WWOX: variants seen among roughly 807,000 people sequenced by gnomAD.
WWOX encodes WW domain containing oxidoreductase, also known as WW domain-containing oxidoreductase.
WWOX carries 69 observed loss-of-function variants against 46.2 expected under a neutral mutation model. The ratio of observed to expected loss-of-function variants is 1.49; its 90% confidence interval spans 1.23 to 1.82. WWOX has a LOEUF of 1.82. Among genes scored for constraint, WWOX ranks in the 40% most tolerant of loss-of-function variants. The probability of loss-of-function intolerance (pLI) is 0.00; values close to 1 mark genes in which losing one functional copy is unlikely to be tolerated. For missense variants in WWOX, 919 were observed against 542.6 expected (o/e 1.69, Z -6.89); for synonymous variants, 359 against 202.6 (o/e 1.77, Z -6.56).
At chr16:78,585,410 T>G (rs2045172229) in intron 8 of WWOX, among the ~76,000 whole-genome samples, 1 of 152,100 alleles carries the variant, frequency 6.6e-6, no homozygotes, top group Admixed American at 6.6e-5. Flanking sequence ...ACTTGTGGGG[T>G]TGACTCTTAC....
At chr16:79,034,701 A>G (rs547679505) in intron 8 of WWOX, among the ~76,000 whole-genome samples, 12 of 151,876 alleles carry the variant, frequency 7.9e-5, no homozygotes, top group African/African-American at 2.4e-4. Context: ...AAAGCACTTA[A>G]TTATTTAAAA....
intron 8 of WWOX, among the ~76,000 whole-genome samples, chr16:78,732,141 G>A (rs148663482): frequency 6.6e-6 from 1 of 152,092 alleles, no homozygotes; most frequent in Non-Finnish European, 1.5e-5. Context: ...TGGGATTACA[G>A]GTGTGAGCCC....
chr16:78,623,436 T>G (rs780732427), intron 8 of WWOX, among the ~76,000 whole-genome samples: 5 of 152,036 alleles, frequency 3.3e-5, no homozygotes, highest in Non-Finnish European at 5.9e-5. Flanking sequence ...TTCCAGCACT[T>G]TGGGAGACCA....
chr16:78,597,966 G>A (rs923920374), intron 8 of WWOX, among the ~76,000 whole-genome samples: 3 of 152,038 alleles, frequency 2.0e-5, no homozygotes, highest in South Asian at 4.1e-4. Flanking sequence ...CCCTTTAATA[G>A]TGTAGCTTTA....
chr16:78,837,608 G>A (rs557187382), intron 8 of WWOX, among the ~76,000 whole-genome samples: 7 of 152,174 alleles, frequency 4.6e-5, no homozygotes, highest in South Asian at 2.1e-4. Flanking sequence ...CCTCTTAGGC[G>A]TCTGCGTGGT....
intron 8 of WWOX, chr16:78,551,486 T>C (rs1022966351): frequency 6.6e-6 from 1 of 152,240 alleles, no homozygotes; most frequent in Non-Finnish European, 1.5e-5. Context: ...TGTTGGAATG[T>C]TGCAGGGAGG....
chr16:78,217,691 G>A (rs543580634), intron 5 of WWOX, among the ~76,000 whole-genome samples: 18 of 152,220 alleles, frequency 1.2e-4, no homozygotes, highest in African/African-American at 3.1e-4. Flanking sequence ...TGCCTGAGAC[G>A]TTAAAGGCAA....
At chr16:78,969,751 G>C (rs2046434399) in intron 8 of WWOX, among the ~76,000 whole-genome samples, 1 of 152,110 alleles carries the variant, frequency 6.6e-6, no homozygotes, top group Non-Finnish European at 1.5e-5. Context: ...AGTCACAAAG[G>C]ACCCTATGTT....
intron 8 of WWOX, among the ~76,000 whole-genome samples, chr16:79,018,377 C>G (rs181907467): frequency 6.6e-6 from 1 of 152,092 alleles, no homozygotes; most frequent in Non-Finnish European, 1.5e-5. Context: ...TATGATTTGT[C>G]AGTAATCAAT....
At chr16:78,742,872 C>A (rs532756950) in intron 8 of WWOX, among the ~76,000 whole-genome samples, 1 of 152,110 alleles carries the variant, frequency 6.6e-6, no homozygotes, top group Admixed American at 6.5e-5. Flanking sequence ...CGGGGGCTTC[C>A]CAGTGTAGGG....
At chr16:79,033,618 C>T (rs1443884289) in intron 8 of WWOX, among the ~76,000 whole-genome samples, 2 of 152,088 alleles carry the variant, frequency 1.3e-5, no homozygotes, top group African/African-American at 4.8e-5. Context: ...GCTTTAAGGG[C>T]ATTCATATTG....
At chr16:78,645,106 T>A (rs140280895) in intron 8 of WWOX, among the ~76,000 whole-genome samples, 1 of 152,202 alleles carries the variant, frequency 6.6e-6, no homozygotes, top group African/African-American at 2.4e-5. Flanking sequence ...CTAAGCAATA[T>A]ACAATCTAGT....
intron 8 of WWOX, among the ~76,000 whole-genome samples, chr16:78,438,113 G>C (rs1476713719): frequency 2.6e-5 from 4 of 152,114 alleles, no homozygotes; most frequent in African/African-American, 4.8e-5. Context: ...TCCAAATAGA[G>C]ATGCAGATTG....
chr16:78,227,044 C>T (rs979814394), intron 5 of WWOX, among the ~76,000 whole-genome samples: 1 of 152,194 alleles, frequency 6.6e-6, no homozygotes, highest in Non-Finnish European at 1.5e-5. Flanking sequence ...GTTCACAATG[C>T]CAGTGGTTCA....
At chr16:78,557,809 C>T (rs866984291) in intron 8 of WWOX, among the ~76,000 whole-genome samples, 11 of 149,772 alleles carry the variant, frequency 7.3e-5, no homozygotes, top group African/African-American at 2.2e-4. Context: ...AATTCTCCTA[C>T]GTCAGCCTCC....
At chr16:78,880,148 G>C (rs2044313941) in intron 8 of WWOX, among the ~76,000 whole-genome samples, 1 of 152,214 alleles carries the variant, frequency 6.6e-6, no homozygotes, top group African/African-American at 2.4e-5. Context: ...GTTTATTTCA[G>C]AGATGTTGGA....
intron 8 of WWOX, among the ~76,000 whole-genome samples, chr16:78,685,973 G>T (rs116652260): frequency 4.0e-5 from 6 of 151,848 alleles, no homozygotes; most frequent in African/African-American, 1.2e-4. Context: ...AATGGGAAGA[G>T]AAATAGAAAT....
At chr16:79,142,671 A>G (rs2050112344) in intron 8 of WWOX, among the ~76,000 whole-genome samples, 1 of 152,180 alleles carries the variant, frequency 6.6e-6, no homozygotes, top group South Asian at 2.1e-4. Context: ...TAATAGAAAT[A>G]TAAGAAGTGC....
chr16:78,927,219 T>G (rs967225335), intron 8 of WWOX, among the ~76,000 whole-genome samples: 4 of 152,194 alleles, frequency 2.6e-5, no homozygotes, highest in Admixed American at 2.6e-4. Context: ...GAGCAGGATT[T>G]TCAATGCCTG....
Sources: allele counts gnomAD v4.1 joint callset (sites outside exome capture counted in the v4.1 genomes callset), GRCh38; gene constraint gnomAD v4.1.1; transcripts MANE v1.5; gene names NCBI Gene and HGNC (gene_info 2026-07-23, HGNC 2026-07-21).